Variants in UBE2N observed in about 807,000 individuals in gnomAD.
UBE2N encodes ubiquitin conjugating enzyme E2 N.
For missense variants in UBE2N, 60 were observed against 192.1 expected, an observed-to-expected ratio of 0.31 and a Z score of 4.07; for synonymous variants, 70 against 69.2, an observed-to-expected ratio of 1.01 and a Z score of -0.06.
intron 1 of UBE2N, among the ~76,000 whole-genome samples, chr12:93,423,747 A>AT (rs879870202): frequency 1.8e-4 from 28 of 152,222 alleles, no homozygotes; most frequent in Non-Finnish European, 3.4e-4. Flanking sequence ...CTTTATTATT[A>AT]TTAGAATGAG....
chr12:93,429,851 ATG>A (rs1376888823), intron 1 of UBE2N, among the ~76,000 whole-genome samples: 11 of 152,214 alleles, frequency 7.2e-5, no homozygotes, highest in Non-Finnish European at 1.5e-4. Flanking sequence ...CAGCTGTATG[ATG>A]TGTGTTTTAA....
In UBE2N at chr12:93,409,789, G is replaced by C. The variant is rs1387766821; in HGVS notation, c.*250C>G. On this transcript the variant is annotated 3_prime_UTR_variant, in exon 4 of 4. Transcript: ENST00000318066. ...AGGATGGGGGAAATGAATAAAAGCA[G>C]GGAGGGGCCACTGCTTTTAAACGTT... 5 of 468,432 alleles carry C rather than the reference G, an allele frequency of 1.1e-5. No homozygotes were observed. Among genetic ancestry groups the C allele is most frequent in the Admixed American group, 8.9e-5 (2 of 22,358 alleles). 29.0% of individuals were successfully genotyped at this position (468,432 alleles called of 1,614,324 possible). A position where few individuals can be genotyped will look rare whatever the true frequency, so the allele number is the denominator to read the frequency against.
intron 1 of UBE2N, among the ~76,000 whole-genome samples, chr12:93,439,165 A>G (rs918850074): frequency 2.0e-5 from 3 of 152,268 alleles, no homozygotes; most frequent in African/African-American, 7.2e-5. Flanking sequence ...CACTGATGTT[A>G]TATCAACACT....
rs572704649 is a variant in UBE2N at position 93,435,238 on chromosome 12, C to T, written c.30+6617G>A. ...CTGTAGTTCCAGCACTTTGGGAGGC[C>T]GAGGTGGGCAGATCACCAAAGGTCA... On this transcript the variant is annotated intron_variant, in intron 1 of 3. Coordinates refer to ENST00000318066, the MANE Select transcript of UBE2N (RefSeq NM_003348.4). Among the ~76,000 whole-genome samples, 7 of 152,092 alleles carry T rather than the reference C, an allele frequency of 4.6e-5. No individual in the cohort carries two copies. The South Asian group carries it at 6.2e-4, about 14-fold the overall frequency.
chr12:93,440,304 G>A (rs1280453185), intron 1 of UBE2N, among the ~76,000 whole-genome samples: 1 of 152,078 alleles, frequency 6.6e-6, no homozygotes, highest in Non-Finnish European at 1.5e-5. Context: ...GTACGGACCT[G>A]CCAATACATA....
intron 1 of UBE2N, chr12:93,424,234 T>C (rs920407337): frequency 6.6e-6 from 1 of 152,232 alleles, no homozygotes; most frequent in Non-Finnish European, 1.5e-5. Flanking sequence ...TACAAGCTAG[T>C]GACTATACTA....
chr12:93,422,674 G>GT lies in UBE2N; in HGVS notation c.31-11376dup, dbSNP rs1218608238. Among the ~76,000 whole-genome samples, 6 of 151,980 alleles carry GT rather than the reference G, an allele frequency of 3.9e-5. 1 individual carries two copies. The highest frequency in any genetic ancestry group is 1.9e-4 in the East Asian group (1 of 5,166). ...TTATTAGCAAAAACCAGTGAACTTG[G>GT]TTTTTTTCTTTGATCCAGCTTTTAT... On this transcript the variant is annotated intron_variant, in intron 1 of 3. Coordinates refer to ENST00000318066, the MANE Select transcript of UBE2N (RefSeq NM_003348.4).
At chr12:93,428,340 C>G (rs1172995952) in intron 1 of UBE2N, among the ~76,000 whole-genome samples, 1 of 152,172 alleles carries the variant, frequency 6.6e-6, no homozygotes, top group Admixed American at 6.5e-5. Context: ...CATGCTGACT[C>G]AAGTTACACA....
chr12:93,439,179 T>C (rs950351533), intron 1 of UBE2N, among the ~76,000 whole-genome samples: 2 of 152,218 alleles, frequency 1.3e-5, no homozygotes, highest in Non-Finnish European at 2.9e-5. Context: ...CAACACTAAA[T>C]TTCATCCTTT....
At chr12:93,441,160 C>T (rs1201934576) in intron 1 of UBE2N, 2 of 152,338 alleles carry the variant, frequency 1.3e-5, no homozygotes, top group African/African-American at 4.8e-5. Flanking sequence ...AAAATCACTT[C>T]GCAGAGATAA....
chr12:93,419,259 G>A (rs1035919435), intron 1 of UBE2N, among the ~76,000 whole-genome samples: 4 of 152,104 alleles, frequency 2.6e-5, no homozygotes, highest in African/African-American at 9.7e-5. Context: ...GCCTCGTGCT[G>A]CATGCCTGTA....
At chr12:93,412,581 G>A (rs1378722540) in intron 1 of UBE2N, among the ~76,000 whole-genome samples, 2 of 152,200 alleles carry the variant, frequency 1.3e-5, no homozygotes, top group African/African-American at 4.8e-5. Flanking sequence ...TGCCACAAGA[G>A]TATACTGAAC....
intron 1 of UBE2N, among the ~76,000 whole-genome samples, chr12:93,422,737 A>G (rs929556398): frequency 1.3e-5 from 2 of 152,132 alleles, no homozygotes; most frequent in Admixed American, 6.5e-5. Context: ...TTTCTTTCAT[A>G]AAATTTTACT....
At chr12:93,420,032 C>T (rs978839140) in intron 1 of UBE2N, among the ~76,000 whole-genome samples, 4 of 152,146 alleles carry the variant, frequency 2.6e-5, no homozygotes, top group African/African-American at 9.7e-5. Flanking sequence ...CACACCCCTC[C>T]CTTGTTCTTT....
intron 1 of UBE2N, among the ~76,000 whole-genome samples, chr12:93,441,499 G>A (rs1008360186): frequency 2.8e-5 from 4 of 144,824 alleles, no homozygotes; most frequent in East Asian, 3.9e-4. Flanking sequence ...GCGCGCCCGC[G>A]GCCTCCGGCG....
intron 1 of UBE2N, among the ~76,000 whole-genome samples, chr12:93,441,458 C>T (rs1233578568): frequency 1.3e-5 from 2 of 152,262 alleles, no homozygotes; most frequent in East Asian, 1.9e-4. Context: ...CCACAATCCC[C>T]ACCAGGCGCC....
intron 1 of UBE2N, among the ~76,000 whole-genome samples, chr12:93,414,628 C>CAT: frequency 6.6e-6 from 1 of 152,256 alleles, no homozygotes; most frequent in Admixed American, 6.5e-5. Flanking sequence ...ACGTGCCAGG[C>CAT]ATCCGCTCAC....
intron 3 of UBE2N, 91 bp from the exon 4 acceptor site, chr12:93,410,170 A>T (rs1389680543): frequency 8.0e-7 from 1 of 1,256,906 alleles, no homozygotes; most frequent in Non-Finnish European, 1.1e-6. Context: ...ACTATTAATT[A>T]TGGAAATGTC....
intron 1 of UBE2N, among the ~76,000 whole-genome samples, chr12:93,436,798 A>T (rs552680283): frequency 6.6e-6 from 1 of 152,336 alleles, no homozygotes; most frequent in South Asian, 2.1e-4. Context: ...TTTGGTCCAG[A>T]AGATAAGGCA....
Sources: gnomAD v4.1 joint callset for allele counts (sites outside exome capture counted in the v4.1 genomes callset) on GRCh38, gnomAD v4.1.1 for gene constraint, MANE v1.5 for transcripts, NCBI Gene and HGNC (gene_info 2026-07-23, HGNC 2026-07-21) for gene names.